Variants in DCUN1D4 observed in about 807,000 individuals in gnomAD.
DCUN1D4 encodes defective in cullin neddylation 1 domain containing 4, also known as DCN1-like protein 4.
Under a neutral mutation model 47.9 loss-of-function variants are expected in DCUN1D4, and 22 were observed. The ratio of observed to expected loss-of-function variants is 0.46; its 90% CI spans 0.33 to 0.66. DCUN1D4 has a LOEUF of 0.66. Ranked by LOEUF, DCUN1D4 falls within the 30% of genes least tolerant of loss-of-function variation. DCUN1D4 has a pLI of 0.02. For missense variants in DCUN1D4, 301 were observed against 340.8 expected (o/e 0.88, Z 0.92); for synonymous variants, 121 against 112.2 (o/e 1.08, Z -0.50).
intron 9 of DCUN1D4, 152 bp from the exon 10 acceptor site, chr4:51,913,138 C>T (rs968389374): frequency 2.1e-6 from 1 of 469,376 alleles, no homozygotes; most frequent in Non-Finnish European, 3.8e-6. Context: ...CTTGCTCTCC[C>T]TCACCATCCT....
At chr4:51,843,331 C>A in intron 1 of DCUN1D4, 64 bp downstream of exon 1, 2 of 1,476,522 alleles carry the variant, frequency 1.4e-6, no homozygotes, top group Non-Finnish European at 1.8e-6. Context: ...CCACTCGGCT[C>A]CCGCAGTCCC....
intron 1 of DCUN1D4, among the ~76,000 whole-genome samples, chr4:51,861,094 G>A (rs1724982339): frequency 6.6e-6 from 1 of 152,194 alleles, no homozygotes; most frequent in South Asian, 2.1e-4. Context: ...TGTAATAGGT[G>A]TCTGATAAAT....
intron 1 of DCUN1D4, among the ~76,000 whole-genome samples, chr4:51,862,832 G>A (rs903226472): frequency 6.6e-6 from 1 of 151,482 alleles, no homozygotes; most frequent in African/African-American, 2.4e-5. Flanking sequence ...AACATAGAAA[G>A]ACCCTGTCTC....
chr4:51,908,657 C>A (rs1733262601), intron 8 of DCUN1D4, among the ~76,000 whole-genome samples: 1 of 151,850 alleles, frequency 6.6e-6, no homozygotes, highest in East Asian at 1.9e-4. Context: ...AGATTCATTT[C>A]ACTTTTAATT....
chr4:51,899,208 C>G (rs1211972026), intron 7 of DCUN1D4, 62 bp from the exon 8 acceptor site: 1 of 1,477,768 alleles, frequency 6.8e-7, no homozygotes, highest in African/African-American at 1.5e-5. Context: ...ATATTACTGC[C>G]TCTATTAAAA....
At chr4:51,861,998 T>G (rs1046045470) in intron 1 of DCUN1D4, among the ~76,000 whole-genome samples, 2 of 152,240 alleles carry the variant, frequency 1.3e-5, no homozygotes, top group Non-Finnish European at 2.9e-5. Flanking sequence ...CAGTCGTATT[T>G]AGATGAAAAA....
intron 5 of DCUN1D4, among the ~76,000 whole-genome samples, chr4:51,881,904 ACGCC>A (rs1369449149): frequency 4.6e-5 from 7 of 152,280 alleles, no homozygotes; most frequent in Admixed American, 2.0e-4. Context: ...GCAGTTGGTC[ACGCC>A]TGTAATTCCA....
chr4:51,900,957 C>A (rs560227323), intron 8 of DCUN1D4, among the ~76,000 whole-genome samples: 2 of 152,270 alleles, frequency 1.3e-5, no homozygotes, highest in East Asian at 3.9e-4. Context: ...TGGCTAACGT[C>A]CTGTTCTGGG....
intron 7 of DCUN1D4, among the ~76,000 whole-genome samples, chr4:51,896,800 A>AG (rs1167396407): frequency 2.0e-5 from 3 of 151,952 alleles, no homozygotes; most frequent in Non-Finnish European, 4.4e-5. Context: ...ATCAAGAGTG[A>AG]GCTTGTCAAG....
chr4:51,874,183 GTGTTTAAATTAGCAGTA>G, intron 3 of DCUN1D4, 71 bp from the exon 4 acceptor site: 1 of 710,108 alleles, frequency 1.4e-6, no homozygotes, highest in East Asian at 2.8e-5. Flanking sequence ...AGCTGTGGAA[GTGTTTAAATTAGCAGTA>G]CTGTTCTTTG....
At position 51,913,708 on chromosome 4, in the gene DCUN1D4, T is replaced by C. The variant is rs1051891930; in HGVS notation, c.*124T>C. On this transcript the variant is annotated 3_prime_UTR_variant, in exon 11 of 11. Transcript: ENST00000334635. Reference sequence around the variant, plus strand: ...GCACTGTTTCCCTTTCGCAGGGACATGTTGGTGTTTGCTATTGAATTGGCC... The same window carrying C: ...GCACTGTTTCCCTTTCGCAGGGACACGTTGGTGTTTGCTATTGAATTGGCC... 3.5e-6 allele frequency: 3 copies of C among 861,570 alleles called. No individual in the cohort carries two copies. Among genetic ancestry groups the C allele is most frequent in the Non-Finnish European group, 3.7e-6 (2 of 539,398 alleles). 53.4% of individuals were successfully genotyped at this position (861,570 alleles called of 1,614,324 possible).
rs566664281 is a variant in DCUN1D4 at position 51,907,919 on chromosome 4, T to C, written c.616-3151T>C. Among the ~76,000 whole-genome samples, 39 of 152,312 alleles carry C rather than the reference T, an allele frequency of 2.6e-4. No homozygotes were observed. The South Asian group carries it at 8.1e-3, about 32-fold the overall frequency. On this transcript the variant is annotated intron_variant, in intron 8 of 10. Transcript: ENST00000334635. The stretch of plus-strand genomic sequence containing the variant: ...AGAAAAAAATGCTCAATTGTCACCT[T>C]TTAGAGGAGAACCTATACTGAAACA...
chr4:51,901,853 A>C (rs567990905), intron 8 of DCUN1D4, among the ~76,000 whole-genome samples: 9 of 152,348 alleles, frequency 5.9e-5, no homozygotes, highest in African/African-American at 2.2e-4. Flanking sequence ...AAATAAAAAC[A>C]ACCATATTTA....
chr4:51,857,387 C>T (rs192391781), intron 1 of DCUN1D4, among the ~76,000 whole-genome samples: 3 of 152,264 alleles, frequency 2.0e-5, no homozygotes, highest in African/African-American at 4.8e-5. Context: ...ATTCAGATCA[C>T]CCATCATCTT....
intron 3 of DCUN1D4, among the ~76,000 whole-genome samples, chr4:51,870,133 A>G (rs1384280321): frequency 1.3e-5 from 2 of 152,166 alleles, no homozygotes; most frequent in Non-Finnish European, 2.9e-5. Flanking sequence ...AATGGTTAAA[A>G]TAGCTCATTT....
upstream of DCUN1D4, among the ~76,000 whole-genome samples, chr4:51,839,934 A>C (rs1238895977): frequency 6.6e-6 from 1 of 152,202 alleles, no homozygotes; most frequent in Non-Finnish European, 1.5e-5. Flanking sequence ...ACTTCTCCAT[A>C]TCACATTCTA....
chr4:51,874,221 G>A, intron 3 of DCUN1D4, 50 bp from the exon 4 acceptor site: 3 of 1,262,084 alleles, frequency 2.4e-6, no homozygotes, highest in Non-Finnish European at 3.4e-6. Context: ...GAAGTACAGA[G>A]TTAGGATGTA....
intron 3 of DCUN1D4, among the ~76,000 whole-genome samples, 160 bp from the exon 4 acceptor site, chr4:51,874,111 A>AT (rs1303498158): frequency 2.0e-5 from 3 of 152,180 alleles, no homozygotes; most frequent in Admixed American, 2.0e-4. Context: ...TGACCATAAC[A>AT]TTTTTTCAAA....
rs761014911 is a variant in DCUN1D4 at position 51,891,833 on chromosome 4, A to C, written c.488A>C (p.Lys163Thr). ...MGYFTLQEWL[K>T]GMTSLQCDTT... is the part of the protein sequence containing the mutation. ...TATTTTACTCTACAGGAGTGGTTAA[A>C]AGGAATGACTTCTCTCCAGTAAGTC... The change falls in exon 7 of 11, where the codon AAA becomes ACA. Residue 163 changes from lysine (K) to threonine (T), a missense_variant. By Grantham distance (78) the Lys-to-Thr change is moderately conservative. Coordinates refer to ENST00000334635, the MANE Select transcript of DCUN1D4 (RefSeq NM_001040402.3). The C allele has an allele frequency of 6.8e-6, 11 of 1,611,668 alleles. No homozygotes were observed. The highest frequency in any genetic ancestry group is 9.3e-6 in the Non-Finnish European group (11 of 1,178,706).
Sources: allele counts gnomAD v4.1 joint callset (sites outside exome capture counted in the v4.1 genomes callset), GRCh38; gene constraint gnomAD v4.1.1; transcripts MANE v1.5; gene names NCBI Gene and HGNC (gene_info 2026-07-23, HGNC 2026-07-21).